UNC5D: variants seen among roughly 807,000 people sequenced by gnomAD.
The protein encoded by UNC5D is netrin receptor UNC5D.
Under a neutral mutation model 105.4 loss-of-function variants are expected in UNC5D, and 39 were observed. The ratio of observed to expected loss-of-function variants is 0.37; its 90% CI spans 0.29 to 0.48. UNC5D has a LOEUF of 0.48. Ranked by LOEUF, UNC5D falls within the 20% of genes least tolerant of loss-of-function variation. The pLI is 0.98. For missense variants in UNC5D, 991 were observed against 1,202.4 expected (o/e 0.82, Z 2.60); for synonymous variants, 452 against 450.4 (o/e 1.00, Z -0.04).
intron 1 of UNC5D, among the ~76,000 whole-genome samples, chr8:35,400,775 T>C (rs1804408056): frequency 6.6e-6 from 1 of 152,130 alleles, no homozygotes; most frequent in African/African-American, 2.4e-5. Context: ...TCGTCACCCC[T>C]CTCATTCAGC....
chr8:35,735,952 G>A (rs1829444829), intron 11 of UNC5D, among the ~76,000 whole-genome samples: 1 of 152,194 alleles, frequency 6.6e-6, no homozygotes, highest in Non-Finnish European at 1.5e-5. Context: ...GGGCCAGCTG[G>A]TCATTCTCTT....
chr8:35,706,932 C>G (rs1827622598), intron 8 of UNC5D, among the ~76,000 whole-genome samples: 1 of 152,152 alleles, frequency 6.6e-6, no homozygotes, highest in Non-Finnish European at 1.5e-5. Context: ...GCTAGGGAAA[C>G]TTCAAGATAC....
chr8:35,496,345 G>T (rs916841394), intron 1 of UNC5D, among the ~76,000 whole-genome samples: 1 of 152,148 alleles, frequency 6.6e-6, no homozygotes, highest in Non-Finnish European at 1.5e-5. Context: ...AGCCAGTAAA[G>T]GGTTTGTAAG....
chr8:35,747,149 G>C (rs537668791), intron 11 of UNC5D, among the ~76,000 whole-genome samples: 31 of 152,288 alleles, frequency 2.0e-4, no homozygotes, highest in African/African-American at 7.5e-4. Flanking sequence ...AGGGCTTCTT[G>C]GAGAGGGGAG....
intron 1 of UNC5D, among the ~76,000 whole-genome samples, chr8:35,491,334 G>T (rs1811203965): frequency 6.6e-6 from 1 of 152,060 alleles, no homozygotes; most frequent in African/African-American, 2.4e-5. Context: ...GAACTAGGGA[G>T]ATATTGGCAA....
At chr8:35,491,840 C>G (rs1191196939) in intron 1 of UNC5D, among the ~76,000 whole-genome samples, 8 of 152,046 alleles carry the variant, frequency 5.3e-5, no homozygotes, top group Admixed American at 5.2e-4. Flanking sequence ...AGAAACTGAC[C>G]AGCTATCAAA....
chr8:35,604,858 C>T (rs1011721777), intron 4 of UNC5D, among the ~76,000 whole-genome samples: 22 of 152,200 alleles, frequency 1.4e-4, no homozygotes, highest in East Asian at 3.9e-4. Context: ...CTTGTGCATT[C>T]GTCACGTAGT....
intron 1 of UNC5D, among the ~76,000 whole-genome samples, chr8:35,301,053 G>C (rs943390933): frequency 5.9e-5 from 9 of 152,150 alleles, no homozygotes; most frequent in African/African-American, 1.9e-4. Context: ...GTAGCAACAA[G>C]CACACCTTGC....
At chr8:35,689,595 A>G (rs11994757) in intron 7 of UNC5D, among the ~76,000 whole-genome samples, 10,709 of 152,284 alleles carry the variant, frequency 0.07, 1,033 homozygotes, top group African/African-American at 0.22. Flanking sequence ...GTAGGCTGCT[A>G]TGGAACCAGG....
At chr8:35,734,123 T>C (rs1829334777) in intron 11 of UNC5D, among the ~76,000 whole-genome samples, 1 of 151,956 alleles carries the variant, frequency 6.6e-6, no homozygotes, top group Non-Finnish European at 1.5e-5. Flanking sequence ...TAGAAGATAT[T>C]TAGTGATGCT....
intron 4 of UNC5D, among the ~76,000 whole-genome samples, chr8:35,681,973 G>C (rs942991912): frequency 4.0e-5 from 6 of 151,770 alleles, no homozygotes; most frequent in South Asian, 2.1e-4. Context: ...CCTTTTTTTG[G>C]GGGGAGGGGC....
chr8:35,425,666 C>A (rs1806200480), intron 1 of UNC5D, among the ~76,000 whole-genome samples: 2 of 152,072 alleles, frequency 1.3e-5, no homozygotes, highest in African/African-American at 4.8e-5. Flanking sequence ...AATTGTCTTT[C>A]TCCTATTCAC....
intron 13 of UNC5D, among the ~76,000 whole-genome samples, chr8:35,751,364 C>T (rs2131643868): frequency 1.3e-5 from 2 of 152,326 alleles, no homozygotes; most frequent in Middle Eastern, 6.8e-3. Context: ...TAGCCTCCAG[C>T]TGCATGACTC....
chr8:35,557,836 G>A (rs1816660345), intron 2 of UNC5D, among the ~76,000 whole-genome samples: 1 of 151,942 alleles, frequency 6.6e-6, no homozygotes, highest in South Asian at 2.1e-4. Context: ...ATGTTAAAAT[G>A]TCTCCCCCTC....
At chr8:35,492,234 A>G (rs1403270171) in intron 1 of UNC5D, among the ~76,000 whole-genome samples, 1 of 152,074 alleles carries the variant, frequency 6.6e-6, no homozygotes, top group African/African-American at 2.4e-5. Flanking sequence ...TACAGCTAAT[A>G]ATCACTAAGC....
At chr8:35,709,326 A>C (rs944015733) in intron 8 of UNC5D, among the ~76,000 whole-genome samples, 1 of 152,196 alleles carries the variant, frequency 6.6e-6, no homozygotes, top group African/African-American at 2.4e-5. Flanking sequence ...GAAGCAGAGC[A>C]GGGTGGGGGG....
At chr8:35,613,390 T>C (rs1820819764) in intron 4 of UNC5D, among the ~76,000 whole-genome samples, 1 of 152,256 alleles carries the variant, frequency 6.6e-6, no homozygotes, top group Non-Finnish European at 1.5e-5. Context: ...TTTTTTGCAC[T>C]GCAGGAGTCG....
chr8:35,579,065 C>T (rs1037874395), intron 3 of UNC5D, among the ~76,000 whole-genome samples: 2 of 152,152 alleles, frequency 1.3e-5, no homozygotes, highest in African/African-American at 4.8e-5. Flanking sequence ...AGAAGTTTAT[C>T]AGGGGAGAGG....
At chr8:35,758,102 C>A (rs1830594346) in intron 13 of UNC5D, among the ~76,000 whole-genome samples, 1 of 152,188 alleles carries the variant, frequency 6.6e-6, no homozygotes, top group African/African-American at 2.4e-5. Context: ...ACCCTTCCCA[C>A]AAGCAACACC....
Sources: gnomAD v4.1 joint callset for allele counts (sites outside exome capture counted in the v4.1 genomes callset) on GRCh38, gnomAD v4.1.1 for gene constraint, MANE v1.5 for transcripts, NCBI Gene and HGNC (gene_info 2026-07-23, HGNC 2026-07-21) for gene names.